Variants in GPM6A observed in about 807,000 individuals in gnomAD.
GPM6A encodes the protein neuronal membrane glycoprotein M6-a.
In GPM6A, 7 loss-of-function variants were observed where a neutral mutation model predicts 32.1. The observed-to-expected ratio is 0.22, with a 90% CI of 0.12 to 0.41. The LOEUF (loss-of-function observed/expected upper bound fraction) is 0.41. Ranked by LOEUF, GPM6A falls within the 10% of genes least tolerant of loss-of-function variation. The pLI is 1.00. For missense variants in GPM6A, 235 were observed against 347.2 expected (o/e 0.68, Z 2.57); for synonymous variants, 130 against 123.4 (o/e 1.05, Z -0.35).
chr4:175,787,262 C>T (rs541823710), intron 1 of GPM6A: 4 of 868,902 alleles, frequency 4.6e-6, no homozygotes, highest in Non-Finnish European at 7.4e-6. Flanking sequence ...GCATGCACTA[C>T]AGAGATAAAG....
At chr4:175,739,549 T>C (rs1414711811) in intron 1 of GPM6A, among the ~76,000 whole-genome samples, 1 of 152,144 alleles carries the variant, frequency 6.6e-6, no homozygotes, top group Non-Finnish European at 1.5e-5. Context: ...ACTATATGCA[T>C]TAGGGAAATT....
intron 1 of GPM6A, among the ~76,000 whole-genome samples, chr4:175,856,824 G>T (rs546844139): frequency 6.6e-6 from 1 of 152,246 alleles, no homozygotes; most frequent in South Asian, 2.1e-4. Flanking sequence ...CTGCTCCTCT[G>T]CCAGTGGAAC....
intron 1 of GPM6A, among the ~76,000 whole-genome samples, chr4:175,725,411 C>T (rs1049961409): frequency 6.6e-5 from 10 of 151,808 alleles, no homozygotes; most frequent in Admixed American, 5.9e-4. Flanking sequence ...ACCACTTCAG[C>T]CTCCCAAGTA....
At chr4:175,656,605 G>GTTTCATGTTCTTTATACATT in intron 3 of GPM6A, among the ~76,000 whole-genome samples, 1 of 152,218 alleles carries the variant, frequency 6.6e-6, no homozygotes, top group African/African-American at 2.4e-5. Flanking sequence ...TTAGAAAAAG[G>GTTTCATGTTCTTTATACATT]TGACATATTG....
chr4:175,667,469 T>C (rs1742813542), intron 3 of GPM6A, among the ~76,000 whole-genome samples: 1 of 152,138 alleles, frequency 6.6e-6, no homozygotes, highest in South Asian at 2.1e-4. Flanking sequence ...GGAGGGACAA[T>C]TAAATGTAAT....
chr4:175,650,400 G>T (rs1282746208), intron 4 of GPM6A, among the ~76,000 whole-genome samples: 1 of 151,908 alleles, frequency 6.6e-6, no homozygotes, highest in Non-Finnish European at 1.5e-5. Flanking sequence ...TGCCTCCTGG[G>T]TTCAAGAAAT....
intron 1 of GPM6A, among the ~76,000 whole-genome samples, chr4:175,871,598 T>A (rs1736911780): frequency 1.3e-5 from 2 of 152,252 alleles, no homozygotes; most frequent in Non-Finnish European, 2.9e-5. Flanking sequence ...TTCTACTCAT[T>A]ACCTTGATTC....
At chr4:175,976,205 G>A (rs1359972321) in intron 1 of GPM6A, among the ~76,000 whole-genome samples, 6 of 150,272 alleles carry the variant, frequency 4.0e-5, no homozygotes, top group African/African-American at 1.5e-4. Flanking sequence ...TGTCGCCCAG[G>A]CTGGAGTGCA....
chr4:175,948,033 A>G (rs1739667728), intron 1 of GPM6A, among the ~76,000 whole-genome samples: 1 of 152,224 alleles, frequency 6.6e-6, no homozygotes. Flanking sequence ...AGCAATAGCA[A>G]TAGCAATAGC....
At chr4:175,939,279 A>G (rs1037760146) in intron 1 of GPM6A, among the ~76,000 whole-genome samples, 1 of 152,124 alleles carries the variant, frequency 6.6e-6, no homozygotes, top group African/African-American at 2.4e-5. Context: ...GGGGTAAAAC[A>G]ATAGGCAAGC....
At chr4:175,894,214 ATT>A (rs147707014) in intron 1 of GPM6A, among the ~76,000 whole-genome samples, 3 of 151,276 alleles carry the variant, frequency 2.0e-5, no homozygotes, top group African/African-American at 7.3e-5. Flanking sequence ...TTAGAATTAC[ATT>A]TTTTTTTAGT....
intron 1 of GPM6A, among the ~76,000 whole-genome samples, chr4:175,888,231 G>A (rs1390151504): frequency 2.6e-5 from 4 of 151,862 alleles, no homozygotes; most frequent in Non-Finnish European, 4.4e-5. Context: ...AGGTATTTGT[G>A]CAATAAAATA....
At chr4:175,773,181 T>C (rs1733258043) in intron 1 of GPM6A, among the ~76,000 whole-genome samples, 1 of 152,220 alleles carries the variant, frequency 6.6e-6, no homozygotes, top group Admixed American at 6.5e-5. Flanking sequence ...AACAGTTGAA[T>C]GGTTTTTCAG....
At chr4:175,835,681 A>G (rs1033818103) in intron 1 of GPM6A, among the ~76,000 whole-genome samples, 11 of 146,994 alleles carry the variant, frequency 7.5e-5, no homozygotes, top group Non-Finnish European at 1.5e-4. Flanking sequence ...TATATAATAT[A>G]TACTTTATAA....
intron 1 of GPM6A, among the ~76,000 whole-genome samples, chr4:175,845,925 T>G (rs759724412): frequency 6.6e-6 from 1 of 152,118 alleles, no homozygotes; most frequent in Non-Finnish European, 1.5e-5. Flanking sequence ...TAAGTTGTAC[T>G]ATACCTTTTG....
intron 3 of GPM6A, among the ~76,000 whole-genome samples, chr4:175,671,070 A>C (rs1255234745): frequency 6.6e-6 from 1 of 151,472 alleles, no homozygotes; most frequent in East Asian, 1.9e-4. Context: ...CACTATGTTG[A>C]CCATGCTGGT....
intron 2 of GPM6A, among the ~76,000 whole-genome samples, chr4:175,681,627 T>A (rs1560871884): frequency 6.6e-6 from 1 of 152,082 alleles, no homozygotes; most frequent in Non-Finnish European, 1.5e-5. Context: ...CGGTGCTAAC[T>A]TAAGAGGGTG....
At chr4:175,963,395 A>G (rs759469074) in intron 1 of GPM6A, among the ~76,000 whole-genome samples, 1 of 152,146 alleles carries the variant, frequency 6.6e-6, no homozygotes, top group Non-Finnish European at 1.5e-5. Flanking sequence ...GAAAATCTTG[A>G]AAGAAGCCGG....
At chr4:175,666,110 G>C (rs1742739547) in intron 3 of GPM6A, among the ~76,000 whole-genome samples, 1 of 151,754 alleles carries the variant, frequency 6.6e-6, no homozygotes, top group Admixed American at 6.6e-5. Flanking sequence ...AGTAGAGAAG[G>C]GGTTTCACCA....
Sources: gnomAD v4.1 joint callset for allele counts (sites outside exome capture counted in the v4.1 genomes callset) on GRCh38, gnomAD v4.1.1 for gene constraint, MANE v1.5 for transcripts, NCBI Gene and HGNC (gene_info 2026-07-23, HGNC 2026-07-21) for gene names.